AUTS2: variants seen among roughly 807,000 people sequenced by gnomAD.
The protein encoded by AUTS2 is autism susceptibility gene 2 protein.
In AUTS2, 17 loss-of-function variants were observed where a neutral mutation model predicts 112.4. The observed-to-expected ratio is 0.15, with a 90% confidence interval of 0.10 to 0.23. The LOEUF (loss-of-function observed/expected upper bound fraction) is 0.23, where lower values mean the gene tolerates loss of function less well. AUTS2 is among the 10% of genes least tolerant of loss of function. AUTS2 has a pLI of 1.00. For synonymous variants in AUTS2, 751 were observed against 702.7 expected (o/e 1.07, Z -1.09); for missense variants, 1,510 against 1,701.6 (o/e 0.89, Z 1.98).
At chr7:69,683,175 A>T (rs1346771488) in intron 1 of AUTS2, among the ~76,000 whole-genome samples, 1 of 152,196 alleles carries the variant, frequency 6.6e-6, no homozygotes, top group Non-Finnish European at 1.5e-5. Context: ...TGTCATTCAC[A>T]TAGCCCATGA....
intron 1 of AUTS2, among the ~76,000 whole-genome samples, chr7:69,877,234 T>C (rs1793843033): frequency 6.6e-6 from 1 of 152,292 alleles, no homozygotes; most frequent in South Asian, 2.1e-4. Flanking sequence ...GTTAAGAGCT[T>C]TGAGTAAAGA....
chr7:70,051,948 C>T (rs1383354014), intron 2 of AUTS2, among the ~76,000 whole-genome samples: 1 of 152,050 alleles, frequency 6.6e-6, no homozygotes, highest in East Asian at 1.9e-4. Flanking sequence ...ATTCTGTTTA[C>T]CCACTACAGC....
intron 1 of AUTS2, among the ~76,000 whole-genome samples, chr7:69,720,158 C>G (rs1484505894): frequency 6.6e-6 from 1 of 152,138 alleles, no homozygotes; most frequent in Non-Finnish European, 1.5e-5. Context: ...GCTACCTGAA[C>G]AATTATGTCT....
intron 5 of AUTS2, among the ~76,000 whole-genome samples, chr7:70,565,302 T>C (rs1019531677): frequency 2.0e-5 from 3 of 152,154 alleles, no homozygotes; most frequent in Non-Finnish European, 4.4e-5. Flanking sequence ...TTGATAATTG[T>C]TGAAGCTGAG....
chr7:70,706,722 A>G (rs1435931168), intron 6 of AUTS2, among the ~76,000 whole-genome samples: 1 of 152,194 alleles, frequency 6.6e-6, no homozygotes, highest in Non-Finnish European at 1.5e-5. Flanking sequence ...TATCTGGATT[A>G]ACTTATTGCT....
At chr7:69,991,894 A>G (rs1055511345) in intron 2 of AUTS2, among the ~76,000 whole-genome samples, 4 of 152,204 alleles carry the variant, frequency 2.6e-5, no homozygotes, top group African/African-American at 9.7e-5. Flanking sequence ...TGTCTTTAAG[A>G]TAACCAGATA....
At chr7:70,661,266 A>G (rs1474105123) in intron 5 of AUTS2, among the ~76,000 whole-genome samples, 1 of 152,154 alleles carries the variant, frequency 6.6e-6, no homozygotes, top group African/African-American at 2.4e-5. Flanking sequence ...CATCTTCTTC[A>G]GGAAGGTGTT....
At chr7:70,224,086 A>G (rs1051105480) in intron 4 of AUTS2, among the ~76,000 whole-genome samples, 1 of 152,116 alleles carries the variant, frequency 6.6e-6, no homozygotes, top group African/African-American at 2.4e-5. Flanking sequence ...AGGCTGAGGC[A>G]GGTGGATCAC....
chr7:70,259,746 G>C (rs951552815), intron 4 of AUTS2, among the ~76,000 whole-genome samples: 1 of 152,180 alleles, frequency 6.6e-6, no homozygotes, highest in Non-Finnish European at 1.5e-5. Flanking sequence ...GCTAAGTGTT[G>C]ACATTACTCC....
chr7:70,260,754 CTT>C (rs796312266), intron 4 of AUTS2, among the ~76,000 whole-genome samples: 8 of 144,858 alleles, frequency 5.5e-5, no homozygotes, highest in Admixed American at 6.9e-5. Context: ...CCTTTTTACA[CTT>C]TTTTTTTTTT....
intron 1 of AUTS2, among the ~76,000 whole-genome samples, chr7:69,768,681 T>C (rs1311364209): frequency 6.6e-6 from 1 of 152,110 alleles, no homozygotes; most frequent in Non-Finnish European, 1.5e-5. Context: ...AGTCGAATGA[T>C]AGAAAAGGTT....
intron 4 of AUTS2, among the ~76,000 whole-genome samples, chr7:70,414,272 G>A (rs755253274): frequency 3.3e-5 from 5 of 152,242 alleles, no homozygotes; most frequent in South Asian, 2.1e-4. Flanking sequence ...GTCCACAGGC[G>A]GTGAATTACT....
intron 5 of AUTS2, among the ~76,000 whole-genome samples, chr7:70,620,759 C>T (rs1416350886): frequency 1.3e-5 from 2 of 152,218 alleles, no homozygotes; most frequent in African/African-American, 4.8e-5. Flanking sequence ...CTCCACTGGG[C>T]TCCATTTCTC....
chr7:70,118,107 T>G, intron 2 of AUTS2, 25 bp from the exon 3 acceptor site: 1 of 1,571,406 alleles, frequency 6.4e-7, no homozygotes, highest in Non-Finnish European at 8.6e-7. Context: ...ACTTTTTCCT[T>G]TTTTCTCTTT....
At chr7:70,084,453 G>A (rs1261094976) in intron 2 of AUTS2, among the ~76,000 whole-genome samples, 1 of 152,178 alleles carries the variant, frequency 6.6e-6, no homozygotes, top group Non-Finnish European at 1.5e-5. Context: ...CTAAGAAACT[G>A]CCAAACAATA....
intron 2 of AUTS2, among the ~76,000 whole-genome samples, chr7:69,924,608 A>T (rs892878911): frequency 2.7e-5 from 4 of 150,300 alleles, no homozygotes; most frequent in Non-Finnish European, 5.9e-5. Context: ...CTGAAGTGCA[A>T]TGGCGCAAAC....
chr7:70,296,774 G>A (rs141241184), intron 4 of AUTS2, among the ~76,000 whole-genome samples: 1 of 150,754 alleles, frequency 6.6e-6, no homozygotes, highest in East Asian at 1.9e-4. Flanking sequence ...ATTTCTTTTA[G>A]TTCTATTACT....
intron 1 of AUTS2, among the ~76,000 whole-genome samples, chr7:69,852,929 G>GT (rs1416651125): frequency 4.6e-5 from 7 of 151,940 alleles, no homozygotes; most frequent in Non-Finnish European, 7.4e-5. Flanking sequence ...TAGTTCCCAA[G>GT]TTTTTTTAGA....
chr7:70,636,450 G>C (rs1805536899), intron 5 of AUTS2, among the ~76,000 whole-genome samples: 1 of 152,090 alleles, frequency 6.6e-6, no homozygotes, highest in African/African-American at 2.4e-5. Context: ...GTTGCTTATG[G>C]CAGCCATGGC....
Sources: gnomAD v4.1 joint callset for allele counts (sites outside exome capture counted in the v4.1 genomes callset) on GRCh38, gnomAD v4.1.1 for gene constraint, MANE v1.5 for transcripts, NCBI Gene and HGNC (gene_info 2026-07-23, HGNC 2026-07-21) for gene names.